GDPD5: variants seen among roughly 807,000 people sequenced by gnomAD.
The protein encoded by GDPD5 is glycerophosphodiester phosphodiesterase 2.
Under a neutral mutation model 75.1 loss-of-function variants are expected in GDPD5, and 48 were observed. The ratio of observed to expected loss-of-function variants is 0.64; its 90% CI spans 0.51 to 0.81. The LOEUF (loss-of-function observed/expected upper bound fraction) is 0.81. Among genes scored for constraint, GDPD5 ranks in the 40% least tolerant of loss-of-function variants. The pLI is 0.00. For synonymous variants in GDPD5, 336 were observed against 339.0 expected (o/e 0.99, Z 0.10); for missense variants, 706 against 822.6 (o/e 0.86, Z 1.73).
chr11:75,441,564 G>C, intron 13 of GDPD5, 82 bp downstream of exon 13: 1 of 1,274,880 alleles, frequency 7.8e-7, no homozygotes, highest in Non-Finnish European at 1.1e-6. Context: ...GTGTGTGTGT[G>C]TGTGTTGGGG....
intron 2 of GDPD5, among the ~76,000 whole-genome samples, chr11:75,488,385 C>G (rs975451086): frequency 3.3e-5 from 5 of 152,114 alleles, no homozygotes; most frequent in Non-Finnish European, 7.4e-5. Context: ...CTGCAGGGGC[C>G]AGCCTGGCTT....
chr11:75,508,911 G>A (rs535025813), intron 1 of GDPD5: 1 of 152,402 alleles, frequency 6.6e-6, no homozygotes, highest in East Asian at 1.9e-4. Flanking sequence ...AGGTGGCTTT[G>A]GCTCAGCATG....
At chr11:75,470,492 G>A (rs944998676) in intron 3 of GDPD5, among the ~76,000 whole-genome samples, 4 of 152,048 alleles carry the variant, frequency 2.6e-5, no homozygotes, top group African/African-American at 7.2e-5. Context: ...CGATTTCTCG[G>A]CTTCATTGCT....
chr11:75,515,499 C>G (rs904888828), intron 1 of GDPD5, among the ~76,000 whole-genome samples: 1 of 151,942 alleles, frequency 6.6e-6, no homozygotes, highest in East Asian at 2.0e-4. Context: ...CCCAGCCCCA[C>G]GCTCCTCTTA....
At chr11:75,491,605 G>A (rs1950111243) in intron 1 of GDPD5, among the ~76,000 whole-genome samples, 1 of 152,182 alleles carries the variant, frequency 6.6e-6, no homozygotes, top group Non-Finnish European at 1.5e-5. Context: ...TGAGTCAAGA[G>A]CATGGGACCT....
intron 1 of GDPD5, among the ~76,000 whole-genome samples, chr11:75,499,077 C>T (rs973094533): frequency 6.6e-6 from 1 of 152,092 alleles, no homozygotes; most frequent in Non-Finnish European, 1.5e-5. Flanking sequence ...GTCACTGTCA[C>T]ACGAATCCTT....
At chr11:75,493,723 G>A (rs1950157648) in intron 1 of GDPD5, among the ~76,000 whole-genome samples, 1 of 152,154 alleles carries the variant, frequency 6.6e-6, no homozygotes, top group Non-Finnish European at 1.5e-5. Flanking sequence ...AGGGAGACAA[G>A]TTAGCTTGTC....
chr11:75,516,066 AC>A (rs796816560), intron 1 of GDPD5: 31 of 152,390 alleles, frequency 2.0e-4, no homozygotes, highest in African/African-American at 7.2e-4. Flanking sequence ...GCCACTCTCT[AC>A]CTTGTTTGGG....
At chr11:75,438,550 A>G (rs1463391701) in intron 15 of GDPD5, 1 of 152,254 alleles carries the variant, frequency 6.6e-6, no homozygotes, top group African/African-American at 2.4e-5. Context: ...CACAGGAATG[A>G]CTCAAGGAAT....
At chr11:75,496,782 T>TC (rs1555013438) in intron 1 of GDPD5, among the ~76,000 whole-genome samples, 34 of 136,618 alleles carry the variant, frequency 2.5e-4, no homozygotes, top group East Asian at 8.9e-4. Flanking sequence ...TTTCTTTCTT[T>TC]TTTTTTTTTT....
chr11:75,488,930 C>A (rs975440065), intron 2 of GDPD5, among the ~76,000 whole-genome samples: 18 of 152,098 alleles, frequency 1.2e-4, no homozygotes, highest in Non-Finnish European at 1.2e-4. Context: ...GATGGGGACA[C>A]AAGATATGCC....
chr11:75,493,949 T>A (rs1376558293), intron 1 of GDPD5, among the ~76,000 whole-genome samples: 1 of 152,212 alleles, frequency 6.6e-6, no homozygotes, highest in Non-Finnish European at 1.5e-5. Flanking sequence ...CACATTAATG[T>A]AACATGAAGT....
rs564200385 is a variant in GDPD5 at position 75,464,601 on chromosome 11, C to G, written c.118-1712G>C. Among the ~76,000 whole-genome samples, 4 of 152,258 alleles carry G rather than the reference C, an allele frequency of 2.6e-5. No individual in the cohort carries two copies. In the South Asian group the frequency reaches 8.3e-4, roughly 32 times the overall value. ...CACCACTCCTTGTCATGTGCAGAGC[C>G]CGACTGCCTTGCTTAGCCTCACTTC... On this transcript the variant is annotated intron_variant, in intron 3 of 16. Transcript: ENST00000336898.
At chr11:75,493,229 TCACACACACACA>T (rs71036055) in intron 1 of GDPD5, among the ~76,000 whole-genome samples, 7 of 140,906 alleles carry the variant, frequency 5.0e-5, no homozygotes, top group South Asian at 2.4e-4. Context: ...CCCACACATC[TCACACACACACA>T]CACACACACA....
chr11:75,511,583 G>A (rs1009051458), intron 1 of GDPD5, among the ~76,000 whole-genome samples: 1 of 152,186 alleles, frequency 6.6e-6, no homozygotes, highest in African/African-American at 2.4e-5. Flanking sequence ...AGTTTGGGGA[G>A]TGTGGACTAG....
At chr11:75,488,229 C>T (rs951064983) in intron 2 of GDPD5, among the ~76,000 whole-genome samples, 35 of 152,126 alleles carry the variant, frequency 2.3e-4, no homozygotes, top group Non-Finnish European at 2.9e-5. Context: ...ACCCCCTTCT[C>T]CCCCAGTGAC....
intron 6 of GDPD5, 22 bp downstream of exon 6, chr11:75,456,735 C>T (rs373739578): frequency 1.2e-4 from 194 of 1,613,554 alleles, no homozygotes; most frequent in Non-Finnish European, 1.3e-4. Flanking sequence ...TCTCTCCCAG[C>T]CCCGGCCGAG....
intron 1 of GDPD5, among the ~76,000 whole-genome samples, chr11:75,518,432 G>A (rs982625397): frequency 6.6e-6 from 1 of 152,220 alleles, no homozygotes; most frequent in Non-Finnish European, 1.5e-5. Context: ...GGGCAGCCAG[G>A]TGGCTCTCAA....
intron 1 of GDPD5, among the ~76,000 whole-genome samples, chr11:75,524,912 G>A (rs962586933): frequency 6.6e-6 from 1 of 152,190 alleles, no homozygotes; most frequent in Admixed American, 6.5e-5. Flanking sequence ...CGCAGTGAAA[G>A]GAGGTCACTC....
Sources: allele counts gnomAD v4.1 joint callset (sites outside exome capture counted in the v4.1 genomes callset), GRCh38; gene constraint gnomAD v4.1.1; transcripts MANE v1.5; gene names NCBI Gene and HGNC (gene_info 2026-07-23, HGNC 2026-07-21).